The following PLEKHA7 variants were observed in gnomAD, a reference collection of about 807,000 sequenced individuals.
PLEKHA7 encodes pleckstrin homology domain containing A7.
PLEKHA7 carries 104 observed loss-of-function variants against 170.0 expected under a neutral mutation model. The observed-to-expected ratio is 0.61, with a 90% CI of 0.52 to 0.72. The LOEUF (loss-of-function observed/expected upper bound fraction) is 0.72, where lower values mean the gene tolerates loss of function less well. PLEKHA7 is among the 30% of genes least tolerant of loss of function. The probability of loss-of-function intolerance (pLI) is 0.00; values close to 1 mark genes in which losing one functional copy is unlikely to be tolerated. For missense variants in PLEKHA7, 1,615 were observed against 1,671.7 expected, an observed-to-expected ratio of 0.97 and a Z score of 0.59; for synonymous variants, 648 against 660.8, an observed-to-expected ratio of 0.98 and a Z score of 0.30.
intron 3 of PLEKHA7, among the ~76,000 whole-genome samples, chr11:17,006,163 G>C (rs1864975777): frequency 6.6e-6 from 1 of 151,844 alleles, no homozygotes; most frequent in South Asian, 2.1e-4. Context: ...CTGAGGTCAG[G>C]AGTTCAAGAC....
chr11:16,914,978 C>T (rs1191445889), intron 3 of PLEKHA7, among the ~76,000 whole-genome samples: 1 of 152,142 alleles, frequency 6.6e-6, no homozygotes, highest in African/African-American at 2.4e-5. Context: ...AGACTTATAC[C>T]CCACTCCCAG....
chr11:17,008,587 G>C (rs1865151038), intron 3 of PLEKHA7, among the ~76,000 whole-genome samples: 1 of 152,180 alleles, frequency 6.6e-6, no homozygotes, highest in South Asian at 2.1e-4. Context: ...GGAATACCTA[G>C]AAAACTCATT....
intron 3 of PLEKHA7, among the ~76,000 whole-genome samples, chr11:16,913,171 C>A (rs1000725982): frequency 3.3e-5 from 5 of 152,178 alleles, no homozygotes; most frequent in Non-Finnish European, 7.3e-5. Flanking sequence ...GGCCATCTTC[C>A]TTCACTGTAC....
chr11:16,922,181 T>TG (rs1859145861), intron 3 of PLEKHA7, among the ~76,000 whole-genome samples: 1 of 151,792 alleles, frequency 6.6e-6, no homozygotes, highest in Non-Finnish European at 1.5e-5. Flanking sequence ...AATACATTCT[T>TG]ATTTTCTACA....
At chr11:16,869,093 T>A (rs969075561) in intron 4 of PLEKHA7, among the ~76,000 whole-genome samples, 1 of 152,340 alleles carries the variant, frequency 6.6e-6, no homozygotes, top group Non-Finnish European at 1.5e-5. Flanking sequence ...CAGGATTCTA[T>A]AAACAAATTC....
chr11:16,973,426 C>A (rs1862845732), intron 3 of PLEKHA7, among the ~76,000 whole-genome samples: 1 of 152,214 alleles, frequency 6.6e-6, no homozygotes, highest in South Asian at 2.1e-4. Flanking sequence ...TTCACACCAC[C>A]ATGCAACTGC....
intron 8 of PLEKHA7, among the ~76,000 whole-genome samples, chr11:16,846,186 G>C (rs1378287851): frequency 1.3e-5 from 2 of 152,148 alleles, no homozygotes; most frequent in Admixed American, 1.3e-4. Context: ...TCAAGAGGCT[G>C]AGGCAGGAGA....
At chr11:16,901,796 G>A (rs557252056) in intron 3 of PLEKHA7, among the ~76,000 whole-genome samples, 23 of 152,348 alleles carry the variant, frequency 1.5e-4, no homozygotes, top group African/African-American at 5.3e-4. Flanking sequence ...GTTTGACCCA[G>A]GAGGTGGAGG....
At chr11:16,843,515 C>T (rs1247669193) in intron 8 of PLEKHA7, among the ~76,000 whole-genome samples, 1 of 152,268 alleles carries the variant, frequency 6.6e-6, no homozygotes, top group Non-Finnish European at 1.5e-5. Flanking sequence ...TCTAGGCAAA[C>T]TTGGCCTGCA....
Position 16,800,467 on chromosome 11 carries a change from C to T in PLEKHA7, c.2409+507G>A, listed in dbSNP as rs1186013349. Among the ~76,000 whole-genome samples the T allele has an allele frequency of 2.0e-5, 3 of 152,186 alleles. No homozygotes were observed. The East Asian group carries it at 5.8e-4, about 29-fold the overall frequency. ...GGTCACAGAGATGGGCATCACCCAG[C>T]CTGGCCTCCAGAAATGCAGATGACT... is the stretch of plus-strand genomic sequence containing the variant. On this transcript the variant is annotated intron_variant, in intron 17 of 26. Transcript: ENST00000531066.
At chr11:16,862,969 G>C (rs1339883596) in intron 4 of PLEKHA7, among the ~76,000 whole-genome samples, 2 of 151,932 alleles carry the variant, frequency 1.3e-5, no homozygotes, top group Non-Finnish European at 2.9e-5. Flanking sequence ...AGACAGCAAA[G>C]CATCAGCCTC....
At chr11:16,790,034 TC>T in intron 21 of PLEKHA7, 156 bp from the exon 22 acceptor site, 1 of 699,508 alleles carries the variant, frequency 1.4e-6, no homozygotes, top group South Asian at 1.8e-5. Flanking sequence ...AGGAGCAAGG[TC>T]CCCAATAGAG....
intron 3 of PLEKHA7, among the ~76,000 whole-genome samples, chr11:16,941,220 AAG>A (rs1860674652): frequency 6.6e-6 from 1 of 152,152 alleles, no homozygotes; most frequent in South Asian, 2.1e-4. Context: ...TTAATGAACA[AAG>A]GCTCCATAAT....
intron 3 of PLEKHA7, among the ~76,000 whole-genome samples, chr11:16,897,378 TC>T (rs1857060287): frequency 6.6e-6 from 1 of 151,954 alleles, no homozygotes; most frequent in Non-Finnish European, 1.5e-5. Context: ...GCCCCATTCC[TC>T]CCCATTTTTC....
chr11:17,011,190 T>C (rs1158450523), intron 3 of PLEKHA7, among the ~76,000 whole-genome samples: 1 of 152,196 alleles, frequency 6.6e-6, no homozygotes, highest in Non-Finnish European at 1.5e-5. Flanking sequence ...CCTGGTACTT[T>C]GGGACACTTG....
In PLEKHA7 at chr11:16,847,094, T is replaced by G. The variant is rs911462756; in HGVS notation, c.696+4097A>C. ...GTGGCTGAAGTTTTTTTTTTTCTTT[T>G]TTTTTTTTTTTTTTTTTTTTGAGAC... is the stretch of plus-strand genomic sequence containing the variant. On this transcript the variant is annotated intron_variant, in intron 8 of 26. Transcript: ENST00000531066. Among the ~76,000 whole-genome samples, 497 of 125,670 alleles carry G rather than the reference T, an allele frequency of 4.0e-3. 1 individual carries two copies. The highest frequency in any genetic ancestry group is 0.017 in the African/African-American group (461 of 27,834). The allele number at this position is 125,670 out of a possible 152,430, so 82.4% of individuals were successfully genotyped here.
At chr11:16,796,792 A>C (rs1848260063) in intron 17 of PLEKHA7, among the ~76,000 whole-genome samples, 2 of 152,138 alleles carry the variant, frequency 1.3e-5, no homozygotes, top group African/African-American at 4.8e-5. Context: ...AGTAGCTAGG[A>C]GTACCGGAGC....
intron 3 of PLEKHA7, among the ~76,000 whole-genome samples, chr11:16,902,936 C>G (rs1857430612): frequency 6.6e-6 from 1 of 152,196 alleles, no homozygotes; most frequent in African/African-American, 2.4e-5. Context: ...TTTGAAACAG[C>G]TCTTCCCATA....
chr11:16,915,849 A>C (rs1858624948), intron 3 of PLEKHA7, among the ~76,000 whole-genome samples: 1 of 149,840 alleles, frequency 6.7e-6, no homozygotes, highest in Non-Finnish European at 1.5e-5. Context: ...TTATAGCAGC[A>C]TGATTTATAG....
Sources: allele counts gnomAD v4.1 joint callset (sites outside exome capture counted in the v4.1 genomes callset), GRCh38; gene constraint gnomAD v4.1.1; transcripts MANE v1.5; gene names NCBI Gene and HGNC (gene_info 2026-07-23, HGNC 2026-07-21).